Variants in LOC400499 observed in about 807,000 individuals in gnomAD.
At chr16:11,430,032 C>T in the LOC400499 span, among the ~76,000 whole-genome samples, 18 of 152,278 alleles carry the variant, frequency 1.2e-4, no homozygotes, top group African/African-American at 4.3e-4. Flanking sequence ...AAGCTAATGT[C>T]ACCAACGTTG....
the LOC400499 span, chr16:11,478,625 C>T: frequency 2.5e-6 from 1 of 399,094 alleles, no homozygotes; most frequent in Non-Finnish European, 4.4e-6. Flanking sequence ...AGCTCCTGCC[C>T]CAGCAACTTC....
At chr16:11,520,543 A>G in the LOC400499 span, among the ~76,000 whole-genome samples, 12 of 152,106 alleles carry the variant, frequency 7.9e-5, no homozygotes, top group African/African-American at 2.9e-4. Flanking sequence ...ATGCACTACC[A>G]GTAATCTCAG....
the LOC400499 span, among the ~76,000 whole-genome samples, chr16:11,443,062 G>A: frequency 2.2e-4 from 34 of 152,108 alleles, no homozygotes; most frequent in African/African-American, 6.3e-4. Context: ...GGTGGTTCAT[G>A]GCTGTAATCC....
the LOC400499 span, chr16:11,383,913 G>A: frequency 6.5e-6 from 8 of 1,231,904 alleles, no homozygotes; most frequent in Middle Eastern, 6.1e-4. Flanking sequence ...TCAAGCTGGA[G>A]TGGGGGCCCT....
At chr16:11,428,053 G>A in the LOC400499 span, among the ~76,000 whole-genome samples, 1 of 152,192 alleles carries the variant, frequency 6.6e-6, no homozygotes, top group Non-Finnish European at 1.5e-5. Context: ...ATTAAGAAAG[G>A]AAAGGAATAA....
the LOC400499 span, among the ~76,000 whole-genome samples, chr16:11,445,967 G>A: frequency 6.6e-6 from 1 of 151,240 alleles, no homozygotes; most frequent in African/African-American, 2.4e-5. Flanking sequence ...TGGGACTGCA[G>A]GTACCTACCA....
the LOC400499 span, among the ~76,000 whole-genome samples, chr16:11,433,607 G>A: frequency 6.6e-6 from 1 of 152,194 alleles, no homozygotes; most frequent in African/African-American, 2.4e-5. Context: ...CTCTTGGTGG[G>A]TTCCTGGACA....
At chr16:11,517,739 G>T in the LOC400499 span, among the ~76,000 whole-genome samples, 1 of 152,192 alleles carries the variant, frequency 6.6e-6, no homozygotes, top group African/African-American at 2.4e-5. Context: ...CCTTCCCCTG[G>T]CAGAAAGGTG....
the LOC400499 span, among the ~76,000 whole-genome samples, chr16:11,378,251 CTT>C: frequency 6.3e-4 from 41 of 65,116 alleles, no homozygotes; most frequent in Admixed American, 7.3e-4. Context: ...CTTTTTTTTT[CTT>C]TTTTTTTTTT....
At chr16:11,521,563 C>A in the LOC400499 span, among the ~76,000 whole-genome samples, 1 of 152,154 alleles carries the variant, frequency 6.6e-6, no homozygotes, top group Non-Finnish European at 1.5e-5. Context: ...AGACTTCCAC[C>A]CAGTCTATTC....
At chr16:11,384,976 C>T in the LOC400499 span, 1 of 1,232,226 alleles carries the variant, frequency 8.1e-7, no homozygotes, top group Non-Finnish European at 1.0e-6. Flanking sequence ...CCAGCTCAAT[C>T]CTGGAGACGT....
chr16:11,439,591 GGA>G, the LOC400499 span: 4 of 399,148 alleles, frequency 1.0e-5, no homozygotes, highest in Non-Finnish European at 1.8e-5. Context: ...CCTGTTGCAG[GGA>G]GAGTTGAAGA....
At chr16:11,508,227 A>C in the LOC400499 span, among the ~76,000 whole-genome samples, 2 of 152,154 alleles carry the variant, frequency 1.3e-5, no homozygotes, top group Non-Finnish European at 2.9e-5. Context: ...GGAGAATCTC[A>C]TCATCACAGC....
the LOC400499 span, among the ~76,000 whole-genome samples, chr16:11,525,860 T>A: frequency 6.6e-6 from 1 of 152,232 alleles, no homozygotes; most frequent in East Asian, 1.9e-4. Context: ...TGATAAATTC[T>A]TAACAGATTA....
the LOC400499 span, among the ~76,000 whole-genome samples, chr16:11,486,049 T>C: frequency 5.3e-5 from 8 of 150,720 alleles, no homozygotes; most frequent in African/African-American, 1.2e-4. Flanking sequence ...ATTGAGTGAA[T>C]AGATGGATGG....
the LOC400499 span, chr16:11,459,870 G>A: frequency 1.0e-5 from 14 of 1,336,840 alleles, no homozygotes; most frequent in South Asian, 4.3e-5. Flanking sequence ...CATGGGGCAC[G>A]GCTCTGCCGC....
At chr16:11,383,071 C>CT in the LOC400499 span, among the ~76,000 whole-genome samples, 27,720 of 145,038 alleles carry the variant, frequency 0.19, 2,910 homozygotes, top group African/African-American at 0.28. Flanking sequence ...GTGCCAGGGT[C>CT]TTTTTTTTTT....
the LOC400499 span, among the ~76,000 whole-genome samples, chr16:11,460,206 T>C: frequency 3.3e-5 from 5 of 152,300 alleles, no homozygotes; most frequent in Non-Finnish European, 4.4e-5. Context: ...TTATTACTTA[T>C]TTATTTTAGA....
At chr16:11,501,941 G>C in the LOC400499 span, 5 of 394,092 alleles carry the variant, frequency 1.3e-5, no homozygotes, top group East Asian at 1.4e-4. Flanking sequence ...TGAAGGACAA[G>C]TCAGTGTCAA....
Sources: allele counts gnomAD v4.1 joint callset (sites outside exome capture counted in the v4.1 genomes callset), GRCh38; gene constraint gnomAD v4.1.1; transcripts MANE v1.5.